DUSP15: variants seen among roughly 807,000 people sequenced by gnomAD.
DUSP15 encodes the protein dual specificity protein phosphatase 15.
DUSP15 carries 23 observed loss-of-function variants against 26.3 expected under a neutral mutation model. The ratio of observed to expected loss-of-function variants is 0.87; its 90% CI spans 0.63 to 1.24. The LOEUF (loss-of-function observed/expected upper bound fraction) is 1.24, where lower values mean the gene tolerates loss of function less well. DUSP15 is among the 50% of genes most tolerant of loss of function. DUSP15 has a pLI of 0.00. For missense variants in DUSP15, 364 were observed against 320.6 expected, an observed-to-expected ratio of 1.14 and a Z score of -1.03; for synonymous variants, 143 against 135.5, an observed-to-expected ratio of 1.06 and a Z score of -0.39.
At chr20:31,845,693 T>C, downstream of DUSP15, 1 of 838,876 alleles carries the variant, frequency 1.2e-6, no homozygotes, top group Non-Finnish European at 1.8e-6. Context: ...TGCTGAGCCA[T>C]CCTCCCCTCC....
rs759139424 is a variant in DUSP15, at chr20:31,862,589, G to C, written c.417C>G (p.Gly139=). 1.2e-6 allele frequency: 2 copies of C among 1,612,442 alleles called. No individual in the cohort carries two copies. The highest frequency in any genetic ancestry group is 1.7e-6 in the Non-Finnish European group (2 of 1,178,932). ...PGFRQQLEEF[G]WASSQKLRRQ... ...TCCCTACCTTCTGGGAACTGGCCCAGCCAAACTCTTCAAGCTGCTGCCTAA... is the reference window on the plus strand; with the variant it reads ...TCCCTACCTTCTGGGAACTGGCCCACCCAAACTCTTCAAGCTGCTGCCTAA... Residue 139 remains glycine (G), a synonymous_variant, in exon 6 of 7, where the codon GGC becomes GGG. Coordinates refer to ENST00000339738, the MANE Select transcript of DUSP15 (RefSeq NM_080611.5).
Position 31,861,325 on chromosome 20 carries a change from T to C in DUSP15, c.*78A>G. ...GGGGCTCCCCCAGCCTCTGGGCCCG[T>C]CCTGGGGGGCGTGGAAGGCGCAGAC... On this transcript the variant is annotated 3_prime_UTR_variant, in exon 7 of 7. Coordinates refer to ENST00000339738, the MANE Select transcript of DUSP15 (RefSeq NM_080611.5). 2.1e-6 allele frequency: 3 copies of C among 1,415,742 alleles called. No homozygotes were observed. The highest frequency in any genetic ancestry group is 9.2e-7 in the Non-Finnish European group (1 of 1,088,876). 87.7% of individuals were successfully genotyped at this position (1,415,742 alleles called of 1,614,324 possible).
chr20:31,860,526 G>T (rs2062627195), downstream of DUSP15, among the ~76,000 whole-genome samples: 1 of 152,330 alleles, frequency 6.6e-6, no homozygotes, highest in Non-Finnish European at 1.5e-5. Flanking sequence ...CCAAACCAGA[G>T]GAGCTGCTTC....
intron 6 of DUSP15, among the ~76,000 whole-genome samples, chr20:31,852,862 C>A (rs934039764): frequency 2.0e-5 from 3 of 152,242 alleles, no homozygotes; most frequent in Non-Finnish European, 4.4e-5. Flanking sequence ...CTCACTCTTG[C>A]AGCCCAGAAG....
Position 31,849,813 on chromosome 20 carries a change from T to C in DUSP15, c.553A>G (p.Thr185Ala), listed in dbSNP as rs6060996. The change falls in exon 8 of 10, where the codon ACA becomes GCA. Residue 185 changes from threonine (T) to alanine (A), a missense_variant. Thr to Ala is a moderately conservative substitution (Grantham distance 58). Coordinates refer to the DUSP15 transcript ENST00000278979. ...GGACTCAGACGACAGCGCTGGGCTGTGCGCCCGGTGGCTTCGCGCACCAGC... is the reference window on the plus strand; with the variant it reads ...GGACTCAGACGACAGCGCTGGGCTGCGCGCCCGGTGGCTTCGCGCACCAGC... The C allele has an allele frequency of 1.8e-3, 2,739 of 1,529,480 alleles. 36 individuals are homozygous for C. In the African/African-American group the frequency reaches 0.034, roughly 19 times the overall value. 94.7% of individuals were successfully genotyped at this position (1,529,480 alleles called of 1,614,324 possible). A position where few individuals can be genotyped will look rare whatever the true frequency, so the allele number is the denominator to read the frequency against.
intron 6 of DUSP15, among the ~76,000 whole-genome samples, chr20:31,852,184 T>C (rs902518500): frequency 2.0e-5 from 3 of 152,104 alleles, no homozygotes; most frequent in Non-Finnish European, 4.4e-5. Context: ...ATTTTTTGTA[T>C]TTTTAGTAGA....
chr20:31,856,636 T>A (rs149654494), downstream of DUSP15, among the ~76,000 whole-genome samples: 1 of 151,990 alleles, frequency 6.6e-6, no homozygotes, highest in African/African-American at 2.4e-5. Flanking sequence ...CAGAAGTTTG[T>A]GGGGCAGAGC....
At chr20:31,862,798 C>G (rs966018251) in intron 5 of DUSP15, 56 bp from the exon 6 acceptor site, 1 of 1,501,510 alleles carries the variant, frequency 6.7e-7, no homozygotes, top group Admixed American at 2.0e-5. Flanking sequence ...CCTCCATGCC[C>G]CCAGGCACCC....
At chr20:31,867,635 T>TGTTTTTTTTTTTTTG (rs2062799360) in intron 2 of DUSP15, among the ~76,000 whole-genome samples, 1 of 21,320 alleles carries the variant, frequency 4.7e-5, no homozygotes, top group African/African-American at 1.7e-4. Flanking sequence ...CACAATGTTT[T>TGTTTTTTTTTTTTTG]TTTTTTTTTT....
At chr20:31,850,119 G>C (rs1249435316) in intron 7 of DUSP15, among the ~76,000 whole-genome samples, 24 of 152,246 alleles carry the variant, frequency 1.6e-4, no homozygotes, top group African/African-American at 2.4e-5. Flanking sequence ...CATCTGTACA[G>C]TGAGGGCATG....
downstream of DUSP15, among the ~76,000 whole-genome samples, chr20:31,846,642 C>T (rs149416356): frequency 2.2e-3 from 333 of 152,286 alleles, 4 homozygotes; most frequent in East Asian, 8.3e-3. Context: ...CCTACCCCAT[C>T]CTCCTAGCTC....
chr20:31,869,703 G>C, intron 1 of DUSP15, 106 bp from the exon 2 acceptor site: 1 of 1,546,446 alleles, frequency 6.5e-7, no homozygotes, highest in African/African-American at 1.4e-5. Context: ...GAAGGGTATG[G>C]ACCTCAGGGC....
At chr20:31,860,883 G>A (rs995514699), downstream of DUSP15, among the ~76,000 whole-genome samples, 5 of 152,190 alleles carry the variant, frequency 3.3e-5, no homozygotes, top group African/African-American at 7.2e-5. Flanking sequence ...TAGAGAAGGA[G>A]GTGGGGTCCC....
downstream of DUSP15, among the ~76,000 whole-genome samples, chr20:31,858,313 A>G (rs987162593): frequency 6.6e-6 from 1 of 152,176 alleles, no homozygotes; most frequent in Non-Finnish European, 1.5e-5. This position sits in a 1 kb window ranked among gnomAD's most constrained non-coding sequence, Gnocchi z 4.4. Flanking sequence ...TGGCTCTGCC[A>G]TGGGTCACCT....
intron 4 of DUSP15, 194 bp from the exon 5 acceptor site, chr20:31,864,175 A>G: frequency 7.2e-7 from 1 of 1,390,384 alleles, no homozygotes; most frequent in Non-Finnish European, 9.4e-7. Context: ...GAATGGTGGC[A>G]TTTCAGGCAG....
At chr20:31,848,309 G>A in exon 10 of DUSP15, 1 of 1,396,634 alleles carries the variant, frequency 7.2e-7, no homozygotes, top group East Asian at 2.6e-5. Flanking sequence ...CCGTCCGGCA[G>A]ACCTGGGTGA....
chr20:31,850,732 G>C, intron 6 of DUSP15: 1 of 1,566,022 alleles, frequency 6.4e-7, no homozygotes, highest in South Asian at 1.2e-5. Context: ...CAGACCCATA[G>C]ATAAGGAGGA....
At position 31,849,057 on chromosome 20, in the gene DUSP15, G is replaced by A. The variant is rs537782510; in HGVS notation, c.629-154C>T. ...GCCTGTACCCTAGGCCCACTTCCAC[G>A]TTCCTATGCCTGTCCCATGTCCCAC... On this transcript the variant is annotated intron_variant, in intron 8 of 9. Transcript: ENST00000278979. Among the ~76,000 whole-genome samples the A allele has an allele frequency of 4.6e-5, 7 of 152,080 alleles. No individual in the cohort carries two copies. In the South Asian group the frequency reaches 8.3e-4, roughly 18 times the overall value.
At chr20:31,849,881 G>A in intron 7 of DUSP15, 1 of 1,486,282 alleles carries the variant, frequency 6.7e-7, no homozygotes, top group Non-Finnish European at 8.9e-7. Flanking sequence ...CAGGCTGTGG[G>A]GCGAGAGAGG....
Sources: gnomAD v4.1 joint callset for allele counts (sites outside exome capture counted in the v4.1 genomes callset) on GRCh38, gnomAD v4.1.1 for gene constraint, Gnocchi (gnomAD v3.1) non-coding constraint, MANE v1.5 for transcripts, NCBI Gene and HGNC (gene_info 2026-07-23, HGNC 2026-07-21) for gene names.